DMXL1: variants seen among roughly 807,000 people sequenced by gnomAD.
DMXL1 encodes dmX-like protein 1.
DMXL1 carries 99 observed loss-of-function variants against 319.2 expected under a neutral mutation model. That is an observed-to-expected ratio of 0.31 (90% confidence interval 0.26 to 0.37). DMXL1 has a LOEUF of 0.37. Ranked by LOEUF, DMXL1 falls within the 10% of genes least tolerant of loss-of-function variation. DMXL1 has a pLI of 1.00. For missense variants in DMXL1, 3,745 were observed against 3,595.6 expected (o/e 1.04, Z -1.06); for synonymous variants, 1,385 against 1,235.2 (o/e 1.12, Z -2.54).
chr5:119,184,059 C>CTTTT (rs1404022848), intron 28 of DMXL1, among the ~76,000 whole-genome samples: 1 of 140,404 alleles, frequency 7.1e-6, no homozygotes, highest in Admixed American at 7.0e-5. Context: ...GTTTTCTTCT[C>CTTTT]TTTTTTTTTT....
Position 119,170,306 on chromosome 5 carries a change from A to T in DMXL1, c.5515A>T (p.Ser1839Cys). 1 of 1,613,938 alleles carries T rather than the reference A, an allele frequency of 6.2e-7. No homozygotes were observed. Among genetic ancestry groups the T allele is most frequent in the Middle Eastern group, 1.6e-4 (1 of 6,062 alleles). The part of the protein sequence containing the change: ...GSSDTFSTHM[S>C]LTGKSGLAGT... ...ATCTGATACATTTTCCACACATATG[A>T]GCCTAACAGGAAAAAGTGGACTGGC... The change falls in exon 24 of 44, where the codon AGC becomes TGC. Residue 1839 changes from serine (S) to cysteine (C), a missense_variant. Coordinates refer to ENST00000539542, the MANE Select transcript of DMXL1 (RefSeq NM_001290321.3).
chr5:119,129,581 G>C (rs545021700), intron 10 of DMXL1, among the ~76,000 whole-genome samples, 158 bp downstream of exon 10: 2 of 152,194 alleles, frequency 1.3e-5, no homozygotes, highest in Admixed American at 6.5e-5. Flanking sequence ...AGATATTTCT[G>C]TTATAGGTAG....
rs376741039 is a variant in DMXL1 at position 119,173,766 on chromosome 5, ATGTGTGTG to A, written c.6682-1491_6682-1484del. Among the ~76,000 whole-genome samples the A allele has an allele frequency of 1.2e-4, 9 of 76,578 alleles. 1 individual carries two copies. The South Asian group carries it at 2.1e-3, about 18-fold the overall frequency. 50.2% of individuals were successfully genotyped at this position (76,578 alleles called of 152,430 possible). A position where few individuals can be genotyped will look rare whatever the true frequency, so the allele number is the denominator to read the frequency against. On this transcript the variant is annotated intron_variant, in intron 25 of 43. Coordinates refer to ENST00000539542, the MANE Select transcript of DMXL1 (RefSeq NM_001290321.3). ...TATATATGTGTGTGTATATATATAT[ATGTGTGTG>A]TGTATATATATATATATATATATAA...
intron 13 of DMXL1, among the ~76,000 whole-genome samples, chr5:119,142,927 T>G (rs997789720): frequency 2.0e-5 from 3 of 151,966 alleles, no homozygotes; most frequent in Admixed American, 2.0e-4. Flanking sequence ...AACTTCTTTA[T>G]GGAGGCCATT....
intron 7 of DMXL1, among the ~76,000 whole-genome samples, chr5:119,117,414 C>CTGTTCTATG (rs931126167): frequency 6.6e-6 from 1 of 152,062 alleles, no homozygotes; most frequent in African/African-American, 2.4e-5. Context: ...TAGCTTTTCA[C>CTGTTCTATG]TGTTCTATGA....
chr5:119,127,866 G>T, intron 9 of DMXL1: 1 of 340,746 alleles, frequency 2.9e-6, no homozygotes, highest in Non-Finnish European at 5.9e-6. Context: ...TCTGGTATCA[G>T]CATGTCTGCT....
chr5:119,189,608 G>A, intron 28 of DMXL1, 100 bp from the exon 29 acceptor site: 1 of 1,025,596 alleles, frequency 9.8e-7, no homozygotes, highest in South Asian at 1.6e-5. Flanking sequence ...ATTTTTTTGT[G>A]TGTGCTTATT....
At position 119,086,610 on chromosome 5, in the gene DMXL1, A is replaced by T. The variant is rs555919873; in HGVS notation, c.88-11369A>T. Among the ~76,000 whole-genome samples the T allele has an allele frequency of 1.4e-4, 21 of 152,258 alleles. No individual in the cohort carries two copies. The South Asian group carries it at 4.4e-3, about 32-fold the overall frequency. ...CTCTTCAGTTTTTTTGAAGAGTTTG[A>T]GTAGAATTGGTGTTAGTTCTTCTTT... is the stretch of plus-strand genomic sequence containing the variant. On this transcript the variant is annotated intron_variant, in intron 1 of 43. Transcript: ENST00000539542.
At chr5:119,217,262 T>TACTATAGTATAAATA (rs1783855698) in intron 35 of DMXL1, among the ~76,000 whole-genome samples, 3 of 152,208 alleles carry the variant, frequency 2.0e-5, no homozygotes, top group Non-Finnish European at 4.4e-5. Flanking sequence ...TTATACAATG[T>TACTATAGTATAAATA]ACTATAGTAG....
chr5:119,246,952 C>T (rs1289907667), intron 43 of DMXL1, 43 bp from the exon 44 acceptor site: 1 of 1,444,450 alleles, frequency 6.9e-7, no homozygotes, highest in East Asian at 2.3e-5. Flanking sequence ...TTCTTAAGGT[C>T]ATCATCAACC....
intron 25 of DMXL1, among the ~76,000 whole-genome samples, chr5:119,173,374 T>G (rs1774997929): frequency 6.6e-6 from 1 of 150,636 alleles, no homozygotes; most frequent in South Asian, 2.1e-4. Flanking sequence ...AAAACTGTCC[T>G]GAAACATTAG....
chr5:119,150,038 C>T lies in DMXL1; in HGVS notation c.4211C>T (p.Pro1404Leu). The change falls in exon 18 of 44, where the codon CCT (proline) becomes CTT (leucine). Residue 1404 changes from proline (P) to leucine (L), a missense_variant. Transcript: ENST00000539542. ...NTDYTEIDSV[P>L]PLPLYALLAA... ...GATTACACAGAAATAGATTCTGTTC[C>T]TCCACTTCCTTTATATGCCTTACTT... The T allele has an allele frequency of 6.2e-7, 1 of 1,613,930 alleles. No individual in the cohort carries two copies. Among genetic ancestry groups the T allele is most frequent in the East Asian group, 2.2e-5 (1 of 44,884 alleles).
At chr5:119,156,883 T>C (rs1274688856) in intron 19 of DMXL1, among the ~76,000 whole-genome samples, 1 of 152,198 alleles carries the variant, frequency 6.6e-6, no homozygotes, top group Non-Finnish European at 1.5e-5. Flanking sequence ...AGGTGTGAGT[T>C]GTTATCTCAT....
intron 34 of DMXL1, among the ~76,000 whole-genome samples, chr5:119,215,342 C>T (rs1047086776): frequency 6.6e-6 from 1 of 151,966 alleles, no homozygotes; most frequent in Admixed American, 6.6e-5. Flanking sequence ...GGGTCTTGCT[C>T]TGTTGCCTGG....
chr5:119,193,929 A>G lies in DMXL1; in HGVS notation c.7416A>G (p.Ser2472=). 3 of 1,611,196 alleles carry G rather than the reference A, an allele frequency of 1.9e-6. No homozygotes were observed. The highest frequency in any genetic ancestry group is 1.3e-5 in the African/African-American group (1 of 74,974). Residue 2472 remains serine (S), a synonymous_variant, in exon 30 of 44, where the codon TCA becomes TCG. Coordinates refer to ENST00000539542, the MANE Select transcript of DMXL1 (RefSeq NM_001290321.3). ...ATGATGATGATGATGTTTTAGCATC[A>G]GATTTCCATCTCCAGGAACATTCTA... ...DNDDDDDVLA[S]DFHLQEHSNS... is the part of the protein sequence containing the mutation.
chr5:119,230,605 G>T lies in DMXL1; in HGVS notation c.8339-2735G>T, dbSNP rs1257318208. On this transcript the variant is annotated intron_variant, in intron 38 of 43. Transcript: ENST00000539542. ...CGTTTATAAAAAGGATATCTGGGCC[G>T]GGCACAGTGGCTCACGCCTGTAATC... 2.0e-5 allele frequency among the ~76,000 whole-genome samples: 3 copies of T among 152,138 alleles called. No individual in the cohort carries two copies. In the East Asian group the frequency reaches 5.8e-4, roughly 29 times the overall value.
At chr5:119,239,855 G>T (rs1788437932) in intron 41 of DMXL1, among the ~76,000 whole-genome samples, 1 of 151,602 alleles carries the variant, frequency 6.6e-6, no homozygotes, top group African/African-American at 2.4e-5. Context: ...TACTCTGGGG[G>T]CTGAGGCAGG....
At chr5:119,139,284 T>C (rs1303632578) in intron 13 of DMXL1, among the ~76,000 whole-genome samples, 1 of 152,186 alleles carries the variant, frequency 6.6e-6, no homozygotes, top group Non-Finnish European at 1.5e-5. Flanking sequence ...ATGTCAGTGC[T>C]AACCTTGAAT....
chr5:119,132,213 T>C (rs1765061894), intron 10 of DMXL1, among the ~76,000 whole-genome samples: 1 of 152,190 alleles, frequency 6.6e-6, no homozygotes, highest in African/African-American at 2.4e-5. Context: ...TATGTGACAA[T>C]TGATCTGGCT....
Sources: allele counts gnomAD v4.1 joint callset (sites outside exome capture counted in the v4.1 genomes callset), GRCh38; gene constraint gnomAD v4.1.1; transcripts MANE v1.5; gene names NCBI Gene and HGNC (gene_info 2026-07-23, HGNC 2026-07-21).